The following GRID2 variants were observed in gnomAD, a reference collection of about 807,000 sequenced individuals.
GRID2 encodes glutamate ionotropic receptor delta type subunit 2.
A neutral mutation model predicts 114.8 loss-of-function variants in GRID2; 33 were observed. The observed-to-expected ratio is 0.29, with a 90% confidence interval of 0.22 to 0.38. GRID2 has a LOEUF of 0.38. Ranked by LOEUF, GRID2 falls within the 10% of genes least tolerant of loss-of-function variation. GRID2 has a pLI of 1.00. For missense variants in GRID2, 1,184 were observed against 1,257.7 expected (o/e 0.94, Z 0.89); for synonymous variants, 505 against 449.9 (o/e 1.12, Z -1.55).
At chr4:92,889,417 G>T (rs1746589144) in intron 2 of GRID2, among the ~76,000 whole-genome samples, 1 of 152,240 alleles carries the variant, frequency 6.6e-6, no homozygotes. Context: ...AGCAACTTCA[G>T]CAAAGTCTCA....
intron 4 of GRID2, among the ~76,000 whole-genome samples, chr4:93,147,550 G>A (rs1011767854): frequency 6.6e-6 from 1 of 152,132 alleles, no homozygotes. Flanking sequence ...ACTTCTTGAA[G>A]TACTGCTTCT....
At chr4:92,590,712 A>C in intron 2 of GRID2, among the ~76,000 whole-genome samples, 1 of 152,164 alleles carries the variant, frequency 6.6e-6, no homozygotes, top group East Asian at 1.9e-4. Context: ...AAACCCTTGG[A>C]CACTACATAC....
At chr4:92,922,617 C>G (rs555715135) in intron 2 of GRID2, among the ~76,000 whole-genome samples, 2 of 152,260 alleles carry the variant, frequency 1.3e-5, no homozygotes, top group East Asian at 1.9e-4. Context: ...TAAGAAGAAA[C>G]TCACTATGTA....
chr4:93,043,626 A>T (rs1325240428), intron 2 of GRID2, among the ~76,000 whole-genome samples: 1 of 152,158 alleles, frequency 6.6e-6, no homozygotes, highest in African/African-American at 2.4e-5. Context: ...TTTCTTGAAG[A>T]TGAAGTTTAA....
chr4:93,552,273 C>G (rs942487614), intron 13 of GRID2, among the ~76,000 whole-genome samples: 1 of 152,038 alleles, frequency 6.6e-6, no homozygotes, highest in Non-Finnish European at 1.5e-5. Flanking sequence ...TTAATCCAGT[C>G]TATCATTGTT....
At position 93,038,123 on chromosome 4, in the gene GRID2, TCTTA is replaced by T. The variant is rs541319375; in HGVS notation, c.245-46868_245-46865del. ...TGTTTTTCCATTTGTTTGTTTCCTC[TCTTA>T]CTTCCTTGAGCAGTGGTTTGTAGTT... On this transcript the variant is annotated intron_variant, in intron 2 of 15. Transcript: ENST00000282020. Among the ~76,000 whole-genome samples, 30 of 152,328 alleles carry T rather than the reference TCTTA, an allele frequency of 2.0e-4. No individual in the cohort carries two copies. The South Asian group carries it at 2.1e-3, about 11-fold the overall frequency.
intron 2 of GRID2, among the ~76,000 whole-genome samples, chr4:92,603,614 C>G (rs1729324216): frequency 6.6e-6 from 1 of 152,076 alleles, no homozygotes; most frequent in Non-Finnish European, 1.5e-5. Flanking sequence ...CAATACCATT[C>G]AGGATAGAGG....
chr4:93,426,726 C>T (rs7670441), intron 10 of GRID2, among the ~76,000 whole-genome samples: 103,793 of 151,930 alleles, frequency 0.68, 35,795 homozygotes, highest in African/African-American at 0.77. Context: ...TTTCAATGTA[C>T]TATTTGCATG....
At chr4:93,255,183 T>G (rs1749428280) in intron 8 of GRID2, among the ~76,000 whole-genome samples, 3 of 142,610 alleles carry the variant, frequency 2.1e-5, no homozygotes, top group Admixed American at 2.1e-4. Flanking sequence ...GTAGGCATTA[T>G]TTTTTCTGAT....
intron 4 of GRID2, among the ~76,000 whole-genome samples, chr4:93,137,462 T>C (rs1735365498): frequency 6.6e-6 from 1 of 152,108 alleles, no homozygotes; most frequent in Non-Finnish European, 1.5e-5. Context: ...ATTTTAGGCC[T>C]AGAAGGAACC....
At chr4:92,466,951 A>G (rs1189592951) in intron 1 of GRID2, among the ~76,000 whole-genome samples, 6 of 151,820 alleles carry the variant, frequency 4.0e-5, no homozygotes, top group Non-Finnish European at 8.8e-5. Context: ...TCCTCGAATT[A>G]ACGGTGTAGA....
chr4:92,916,298 A>G (rs988339848), intron 2 of GRID2, among the ~76,000 whole-genome samples: 1 of 152,040 alleles, frequency 6.6e-6, no homozygotes, highest in Non-Finnish European at 1.5e-5. Flanking sequence ...CTAGCCAGTT[A>G]TCCCAATTTA....
chr4:93,761,949 C>T (rs187072639), intron 14 of GRID2, among the ~76,000 whole-genome samples: 1 of 152,184 alleles, frequency 6.6e-6, no homozygotes. Flanking sequence ...CAAAGTGCCA[C>T]TATGCTTAAT....
At position 92,946,951 on chromosome 4, in the gene GRID2, G is replaced by C. The variant is rs1376441230; in HGVS notation, c.245-138044G>C. Among the ~76,000 whole-genome samples the C allele has an allele frequency of 1.3e-5, 2 of 152,000 alleles. 1 individual carries two copies. The highest frequency in any genetic ancestry group is 4.1e-4 in the South Asian group (2 of 4,830). On this transcript the variant is annotated intron_variant, in intron 2 of 15. Transcript: ENST00000282020. ...GAGAACCACTATTCCATTGGTAAAA[G>C]GGTAACTCACATGTCCTTACTCTGA...
At chr4:92,496,432 G>C (rs1723393366) in intron 1 of GRID2, among the ~76,000 whole-genome samples, 1 of 151,862 alleles carries the variant, frequency 6.6e-6, no homozygotes, top group Admixed American at 6.6e-5. Context: ...TGAAGATTTA[G>C]CAGAACTTGC....
At chr4:93,765,950 T>C (rs2110325988) in intron 14 of GRID2, among the ~76,000 whole-genome samples, 1 of 151,974 alleles carries the variant, frequency 6.6e-6, no homozygotes, top group Admixed American at 6.6e-5. Context: ...AATGGATAGA[T>C]GAATAAAACA....
At chr4:93,385,978 T>C (rs975486728) in intron 8 of GRID2, among the ~76,000 whole-genome samples, 2 of 152,156 alleles carry the variant, frequency 1.3e-5, no homozygotes, top group Non-Finnish European at 2.9e-5. Flanking sequence ...ATGTTAGATA[T>C]AAATTTTTGA....
At position 92,494,358 on chromosome 4, in the gene GRID2, T is replaced by C. The variant is rs143096716; in HGVS notation, c.89-95773T>C. Among the ~76,000 whole-genome samples, 1,172 of 152,056 alleles carry C rather than the reference T, an allele frequency of 7.7e-3. 13 individuals are homozygous for C. The highest frequency in any genetic ancestry group is 0.026 in the African/African-American group (1,073 of 41,522). On this transcript the variant is annotated intron_variant, in intron 1 of 15. Transcript: ENST00000282020. ...AATTTTTTAGTAATACACTTTTACA[T>C]GTATAAAGGAGGGAATTTTATTCCT... is the stretch of plus-strand genomic sequence containing the variant.
intron 3 of GRID2, among the ~76,000 whole-genome samples, chr4:93,109,343 A>G (rs557014782): frequency 1.1e-3 from 162 of 152,352 alleles, no homozygotes; most frequent in Non-Finnish European, 1.3e-3. Flanking sequence ...TTTTAAAGTC[A>G]TCAGATAAGT....
Sources: allele counts gnomAD v4.1 joint callset (sites outside exome capture counted in the v4.1 genomes callset), GRCh38; gene constraint gnomAD v4.1.1; transcripts MANE v1.5; gene names NCBI Gene and HGNC (gene_info 2026-07-23, HGNC 2026-07-21).